LBH: variants seen among roughly 807,000 people sequenced by gnomAD.
LBH encodes the protein LBH regulator of Wnt signaling pathway.
LBH carries 7 observed loss-of-function variants against 12.5 expected under a neutral mutation model. That is an observed-to-expected ratio of 0.56 (90% CI 0.32 to 1.05). LBH has a LOEUF of 1.05. LBH is among the 50% of genes least tolerant of loss of function. The probability of loss-of-function intolerance (pLI) is 0.04; values close to 1 mark genes in which losing one functional copy is unlikely to be tolerated. For synonymous variants in LBH, 51 were observed against 50.1 expected, an observed-to-expected ratio of 1.02 and a Z score of -0.08; for missense variants, 119 against 138.9, an observed-to-expected ratio of 0.86 and a Z score of 0.72.
chr2:30,247,965 A>C (rs987740720), intron 2 of LBH, among the ~76,000 whole-genome samples: 2 of 152,236 alleles, frequency 1.3e-5, no homozygotes, highest in African/African-American at 4.8e-5. Flanking sequence ...ACGACATCTT[A>C]GTATTACTAT....
chr2:30,241,640 A>G (rs1268699601), intron 2 of LBH, among the ~76,000 whole-genome samples: 1 of 151,500 alleles, frequency 6.6e-6, no homozygotes, highest in Non-Finnish European at 1.5e-5. Context: ...TTGTATTTTT[A>G]TGAGTAGAGA....
At chr2:30,236,098 C>T (rs762038194) in intron 2 of LBH, among the ~76,000 whole-genome samples, 2 of 152,180 alleles carry the variant, frequency 1.3e-5, no homozygotes, top group Non-Finnish European at 2.9e-5. Context: ...GGTTCTCTTT[C>T]GGTTCTGGGT....
chr2:30,244,430 G>A (rs780430086), intron 2 of LBH, among the ~76,000 whole-genome samples: 3 of 152,144 alleles, frequency 2.0e-5, no homozygotes, highest in Non-Finnish European at 4.4e-5. Flanking sequence ...ATGATGGCAG[G>A]GAGGGTTTTC....
chr2:30,245,270 T>A (rs1677852207), intron 2 of LBH, among the ~76,000 whole-genome samples: 1 of 152,214 alleles, frequency 6.6e-6, no homozygotes, highest in South Asian at 2.1e-4. Context: ...ATGGTTGCCG[T>A]CAAATTCTTA....
intron 2 of LBH, among the ~76,000 whole-genome samples, chr2:30,238,500 G>A (rs961362658): frequency 6.6e-6 from 1 of 152,194 alleles, no homozygotes; most frequent in Non-Finnish European, 1.5e-5. Flanking sequence ...CTGTCAGTCA[G>A]GCAAGCGAGG....
intron 2 of LBH, among the ~76,000 whole-genome samples, chr2:30,237,281 G>C (rs1159967662): frequency 6.6e-6 from 1 of 152,238 alleles, no homozygotes; most frequent in Non-Finnish European, 1.5e-5. Context: ...ATTTGACCTT[G>C]AAAGAAAGTC....
At position 30,234,416 on chromosome 2, in the gene LBH, T is replaced by TGAGATC. The variant is rs780932534; in HGVS notation, c.40_45dup (p.Arg14_Ser15dup). On this transcript the variant is annotated inframe_insertion, in exon 2 of 3. Coordinates refer to ENST00000395323, the MANE Select transcript of LBH (RefSeq NM_030915.4). ...GGGTTTCTTGGCAGCCCCGACTATC[T>TGAGATC]GAGATCGGCCAAGATGACTGAGGTG... 3.7e-6 allele frequency: 6 copies of TGAGATC among 1,613,058 alleles called. No homozygotes were observed. Among genetic ancestry groups the TGAGATC allele is most frequent in the Non-Finnish European group, 4.2e-6 (5 of 1,179,106 alleles).
rs1297272957 is a variant in LBH at position 30,234,561 on chromosome 2, G to C, written c.129+54G>C. 5.1e-6 allele frequency: 7 copies of C among 1,384,676 alleles called. No individual in the cohort carries two copies. The East Asian group carries it at 1.6e-4, about 32-fold the overall frequency. The allele number at this position is 1,384,676 out of a possible 1,614,324, so 85.8% of individuals were successfully genotyped here. A position where few individuals can be genotyped will look rare whatever the true frequency, so the allele number is the denominator to read the frequency against. ...CTCTAGAGCCTAGTGGTTTTTGCTGGGGGTGAGGACAGACTTGGTTTTGCA... is the reference window on the plus strand; with the variant it reads ...CTCTAGAGCCTAGTGGTTTTTGCTGCGGGTGAGGACAGACTTGGTTTTGCA... On this transcript the variant is annotated intron_variant, in intron 2 of 2. Transcript: ENST00000395323.
intron 2 of LBH, among the ~76,000 whole-genome samples, chr2:30,238,048 G>A (rs561478168): frequency 6.6e-6 from 1 of 152,310 alleles, no homozygotes; most frequent in South Asian, 2.1e-4. Context: ...CCTAATTCAA[G>A]GAAGCAAGTC....
At chr2:30,234,342 A>T (rs938463452) in intron 1 of LBH, 63 bp from the exon 2 acceptor site, 2 of 1,252,848 alleles carry the variant, frequency 1.6e-6, no homozygotes, top group Non-Finnish European at 2.3e-6. Flanking sequence ...CAGTGAATGC[A>T]TGAAGAGTTA....
chr2:30,246,593 T>G (rs1677872631), intron 2 of LBH, among the ~76,000 whole-genome samples: 1 of 152,254 alleles, frequency 6.6e-6, no homozygotes, highest in Non-Finnish European at 1.5e-5. Context: ...AAGTCTAGTT[T>G]AATAGAAGAC....
chr2:30,253,364 A>T (rs531361970), intron 2 of LBH, among the ~76,000 whole-genome samples: 5 of 152,206 alleles, frequency 3.3e-5, no homozygotes, highest in African/African-American at 1.2e-4. Context: ...GGTTCTGGGT[A>T]CTTTTTGTGT....
intron 2 of LBH, among the ~76,000 whole-genome samples, chr2:30,243,391 G>C (rs1207381494): frequency 2.6e-5 from 4 of 152,128 alleles, no homozygotes; most frequent in Non-Finnish European, 4.4e-5. Flanking sequence ...CATTGTTCTG[G>C]AGACCCAAGA....
intron 1 of LBH, 94 bp from the exon 2 acceptor site, chr2:30,234,311 G>T (rs1256674667): frequency 1.0e-6 from 1 of 973,800 alleles, no homozygotes; most frequent in Admixed American, 1.7e-5. Context: ...CCTGTCTCCA[G>T]ACAGTCCCCT....
intron 2 of LBH, among the ~76,000 whole-genome samples, chr2:30,239,439 T>A (rs11687084): frequency 0.25 from 37,786 of 152,094 alleles, 5,490 homozygotes; most frequent in East Asian, 0.52. Context: ...CAGCTGTAGT[T>A]CCCCACATGT....
At chr2:30,238,378 A>C (rs999026899) in intron 2 of LBH, among the ~76,000 whole-genome samples, 1 of 152,216 alleles carries the variant, frequency 6.6e-6, no homozygotes, top group African/African-American at 2.4e-5. Context: ...TGAACACATC[A>C]TCCTTCTCCA....
intron 2 of LBH, among the ~76,000 whole-genome samples, chr2:30,254,314 C>CTCTCTG (rs930551720): frequency 2.0e-5 from 3 of 152,156 alleles, no homozygotes; most frequent in Non-Finnish European, 4.4e-5. Context: ...AATGTGGTCT[C>CTCTCTG]TCTCTGTCTC....
intron 2 of LBH, among the ~76,000 whole-genome samples, chr2:30,250,468 T>A (rs538108835): frequency 6.6e-6 from 1 of 151,720 alleles, no homozygotes; most frequent in Non-Finnish European, 1.5e-5. Context: ...GCCCTCGGCC[T>A]CTTTGTGGCC....
intron 2 of LBH, among the ~76,000 whole-genome samples, chr2:30,243,452 G>C (rs1198977146): frequency 1.3e-5 from 2 of 151,574 alleles, no homozygotes; most frequent in Admixed American, 6.6e-5. Flanking sequence ...CTTTCCTGGG[G>C]TTCCAGATCT....
Sources: allele counts gnomAD v4.1 joint callset (sites outside exome capture counted in the v4.1 genomes callset), GRCh38; gene constraint gnomAD v4.1.1; transcripts MANE v1.5; gene names NCBI Gene and HGNC (gene_info 2026-07-23, HGNC 2026-07-21).